USP13: variants seen among roughly 807,000 people sequenced by gnomAD.
The protein encoded by USP13 is ubiquitin specific peptidase 13.
In USP13, 68 loss-of-function variants were observed where a neutral mutation model predicts 107.8. The ratio of observed to expected loss-of-function variants is 0.63; its 90% CI spans 0.52 to 0.77. USP13 has a LOEUF of 0.77. USP13 is among the 30% of genes least tolerant of loss of function. USP13 has a pLI of 0.00. For missense variants in USP13, 945 were observed against 1,093.3 expected (o/e 0.86, Z 1.91); for synonymous variants, 377 against 389.5 (o/e 0.97, Z 0.38).
intron 19 of USP13, among the ~76,000 whole-genome samples, chr3:179,768,343 C>T (rs1045931595): frequency 1.3e-5 from 2 of 152,154 alleles, no homozygotes; most frequent in Admixed American, 1.3e-4. Context: ...AAAGAACAGC[C>T]ACATCATCTC....
chr3:179,666,057 C>T (rs1454493529), intron 1 of USP13, among the ~76,000 whole-genome samples: 1 of 152,112 alleles, frequency 6.6e-6, no homozygotes, highest in Non-Finnish European at 1.5e-5. Flanking sequence ...TTGGGACCAA[C>T]TTGGCTTGTA....
chr3:179,764,066 T>C lies in USP13; in HGVS notation c.2157T>C (p.Phe719=). 1 of 1,614,172 alleles carries C rather than the reference T, an allele frequency of 6.2e-7. No homozygotes were observed. Among genetic ancestry groups the C allele is most frequent in the Non-Finnish European group, 8.5e-7 (1 of 1,180,024 alleles). ...GGAASAGASV[F]GASGLDNQPP... ...CAGCTTCTGCTGGAGCCTCTGTTTT[T>C]GGTGCTTCTGGACTGGATAACCAAC... The change falls in exon 18 of 21, where the codon TTT becomes TTC. Residue 719 remains phenylalanine, a synonymous_variant. Coordinates refer to ENST00000263966, the MANE Select transcript of USP13 (RefSeq NM_003940.3).
chr3:179,727,425 T>G (rs1462154208), intron 8 of USP13, among the ~76,000 whole-genome samples: 4 of 101,022 alleles, frequency 4.0e-5, no homozygotes, highest in Admixed American at 1.1e-4. Context: ...TGCACCGCCC[T>G]TAATCCATTT....
intron 4 of USP13, among the ~76,000 whole-genome samples, chr3:179,701,978 C>G (rs536898051): frequency 9.9e-5 from 15 of 152,188 alleles, no homozygotes; most frequent in Non-Finnish European, 1.5e-5. Context: ...ACCACTTTGT[C>G]CTCTTTCCTT....
intron 18 of USP13, among the ~76,000 whole-genome samples, chr3:179,764,731 C>T (rs1715118277): frequency 6.6e-6 from 1 of 152,164 alleles, no homozygotes; most frequent in Non-Finnish European, 1.5e-5. Context: ...TTCTGCAGTG[C>T]TGATATCTGT....
intron 17 of USP13, among the ~76,000 whole-genome samples, chr3:179,763,413 G>C (rs1365007901): frequency 6.6e-6 from 1 of 152,124 alleles, no homozygotes; most frequent in African/African-American, 2.4e-5. Flanking sequence ...GTGAGGGTCT[G>C]ACTTTATTCT....
Position 179,678,018 on chromosome 3 carries a change from C to T in USP13, c.169-3860C>T, listed in dbSNP as rs139049395. On this transcript the variant is annotated intron_variant, in intron 1 of 20. Transcript: ENST00000263966. The surrounding 1 kb of genome is among the most constrained non-coding windows in gnomAD (Gnocchi z 4.2). ...CTTTAAATTTCATGCAACTCTGTGT[C>T]GTGGGAATTATTGCTACGGCCATGT... Among the ~76,000 whole-genome samples, 1,603 of 152,232 alleles carry T rather than the reference C, an allele frequency of 0.011. 23 individuals carry two copies. The highest frequency in any genetic ancestry group is 0.017 in the Middle Eastern group (5 of 294).
At chr3:179,774,317 C>T (rs1339326639) in intron 19 of USP13, among the ~76,000 whole-genome samples, 1 of 152,194 alleles carries the variant, frequency 6.6e-6, no homozygotes, top group African/African-American at 2.4e-5. Flanking sequence ...TTCTTGGTCT[C>T]ACTGACTTCG....
rs1448625988 is a variant in USP13, at chr3:179,730,175, C to T, written c.1089-14C>T. ...GCAGTTGCTATGTTTTAACTATTGC[C>T]TCTCATTTTCTAGGTATGTAGGAAA... On this transcript the variant is annotated splice_polypyrimidine_tract_variant and intron_variant, in intron 8 of 20. Transcript: ENST00000263966. 6.2e-7 allele frequency: 1 copy of T among 1,607,598 alleles called. No individual in the cohort carries two copies. Among genetic ancestry groups the T allele is most frequent in the Admixed American group, 1.7e-5 (1 of 59,172 alleles).
At chr3:179,734,295 G>A (rs1713909348) in intron 10 of USP13, among the ~76,000 whole-genome samples, 1 of 152,194 alleles carries the variant, frequency 6.6e-6, no homozygotes, top group Non-Finnish European at 1.5e-5. Context: ...GTAGATAATA[G>A]TTACTATAAA....
chr3:179,724,460 G>GAA (rs10671346), intron 8 of USP13, among the ~76,000 whole-genome samples: 6,508 of 85,068 alleles, frequency 0.077, 519 homozygotes, highest in African/African-American at 0.2. Flanking sequence ...TCTGTCTCAA[G>GAA]AAAAAAAAAA....
intron 19 of USP13, among the ~76,000 whole-genome samples, chr3:179,779,405 G>A (rs901296315): frequency 6.6e-5 from 10 of 151,900 alleles, no homozygotes; most frequent in Non-Finnish European, 1.3e-4. Flanking sequence ...ATGGTGGCAC[G>A]CGCCTGTAAC....
intron 2 of USP13, among the ~76,000 whole-genome samples, chr3:179,689,699 G>C (rs1303273299): frequency 6.6e-6 from 1 of 152,048 alleles, no homozygotes; most frequent in African/African-American, 2.4e-5. Context: ...CGATGCTTAC[G>C]ATGGCAAACA....
chr3:179,775,368 A>G (rs1295125649), intron 19 of USP13, among the ~76,000 whole-genome samples: 2 of 152,260 alleles, frequency 1.3e-5, no homozygotes, highest in African/African-American at 4.8e-5. Context: ...AGCTAGACAC[A>G]GAGTGCTGAT....
intron 1 of USP13, among the ~76,000 whole-genome samples, chr3:179,658,858 G>A (rs1265304527): frequency 2.6e-5 from 4 of 152,192 alleles, no homozygotes; most frequent in Non-Finnish European, 4.4e-5. Flanking sequence ...ATTTTGACAA[G>A]CTGAGCAGGA....
intron 8 of USP13, among the ~76,000 whole-genome samples, chr3:179,727,163 G>GT (rs528617941): frequency 0.094 from 10,786 of 114,254 alleles, 631 homozygotes; most frequent in East Asian, 0.18. Context: ...AATTTTTAAT[G>GT]TTTTTTTTTT....
chr3:179,677,638 A>T (rs940784670), intron 1 of USP13, among the ~76,000 whole-genome samples: 9 of 152,034 alleles, frequency 5.9e-5, no homozygotes, highest in African/African-American at 2.2e-4. Context: ...TAAGTAAAAA[A>T]CTCTTGACAA....
chr3:179,677,001 G>T (rs1576917953), intron 1 of USP13, among the ~76,000 whole-genome samples: 1 of 151,996 alleles, frequency 6.6e-6, no homozygotes, highest in African/African-American at 2.4e-5. Flanking sequence ...TGGATTACAG[G>T]CACCTGCCAC....
intron 1 of USP13, among the ~76,000 whole-genome samples, chr3:179,668,408 C>T (rs982848953): frequency 2.6e-5 from 4 of 152,180 alleles, no homozygotes; most frequent in African/African-American, 9.7e-5. Flanking sequence ...TTTGTTCTTT[C>T]CTACTTAGTT....
Sources: allele counts gnomAD v4.1 joint callset (sites outside exome capture counted in the v4.1 genomes callset), GRCh38; gene constraint gnomAD v4.1.1; non-coding constraint Gnocchi (gnomAD v3.1); transcripts MANE v1.5; gene names NCBI Gene and HGNC (gene_info 2026-07-23, HGNC 2026-07-21).